Variants in RANBP2 observed in about 807,000 individuals in gnomAD.
The protein encoded by RANBP2 is E3 SUMO-protein ligase RanBP2.
Under a neutral mutation model 303.6 loss-of-function variants are expected in RANBP2, and 57 were observed. That is an observed-to-expected ratio of 0.19 (90% CI 0.15 to 0.23). The LOEUF is 0.23. Among genes scored for constraint, RANBP2 ranks in the 10% least tolerant of loss-of-function variants. The pLI is 1.00. For synonymous variants in RANBP2, 1,167 were observed against 1,301.5 expected (o/e 0.90, Z 2.23); for missense variants, 3,138 against 3,780.8 (o/e 0.83, Z 4.46).
At chr2:109,593,662 C>T in the RANBP2 span, among the ~76,000 whole-genome samples, 1 of 152,180 alleles carries the variant, frequency 6.6e-6, no homozygotes, top group South Asian at 2.1e-4. Flanking sequence ...CCTCGGCCTC[C>T]CAGAGTGCTA....
chr2:108,824,677 CAT>C, the RANBP2 span, among the ~76,000 whole-genome samples: 520 of 152,120 alleles, frequency 3.4e-3, 1 homozygote, highest in Non-Finnish European at 6.1e-3. Context: ...TAACCAGTAA[CAT>C]AGTCATTTAT....
intron 8 of RANBP2, 50 bp from the exon 9 acceptor site, chr2:108,748,870 T>C (rs2149208583): frequency 6.2e-7 from 1 of 1,611,880 alleles, no homozygotes; most frequent in Non-Finnish European, 8.5e-7. Flanking sequence ...CGTGAGCAAA[T>C]ACAATCTGTA....
the RANBP2 span, chr2:108,896,690 A>G: frequency 1.7e-6 from 1 of 584,188 alleles, no homozygotes; most frequent in Non-Finnish European, 3.0e-6. Context: ...CTGGTGAGGT[A>G]CAGGCGAGCA....
the RANBP2 span, among the ~76,000 whole-genome samples, chr2:109,246,257 G>A: frequency 5.3e-5 from 8 of 152,218 alleles, no homozygotes; most frequent in Admixed American, 3.3e-4. Context: ...AGTTCTAGAC[G>A]CTGGTCGTCC....
At chr2:108,968,111 C>G in the RANBP2 span, among the ~76,000 whole-genome samples, 10 of 152,160 alleles carry the variant, frequency 6.6e-5, no homozygotes, top group Non-Finnish European at 1.3e-4. Flanking sequence ...GATAATATCA[C>G]CTGATTTTCA....
At chr2:109,059,434 G>A in the RANBP2 span, among the ~76,000 whole-genome samples, 1 of 152,128 alleles carries the variant, frequency 6.6e-6, no homozygotes, top group South Asian at 2.1e-4. Context: ...AATTAGCCGG[G>A]TGTGGCGGTG....
chr2:109,603,993 C>G, the RANBP2 span, among the ~76,000 whole-genome samples: 1 of 151,432 alleles, frequency 6.6e-6, no homozygotes, highest in African/African-American at 2.4e-5. Context: ...AACCCCATCT[C>G]TACTAAAAAT....
the RANBP2 span, among the ~76,000 whole-genome samples, chr2:109,318,303 G>A: frequency 6.6e-6 from 1 of 152,010 alleles, no homozygotes; most frequent in African/African-American, 2.4e-5. Flanking sequence ...GCTCCTCCTA[G>A]CGTGACTGGC....
the RANBP2 span, among the ~76,000 whole-genome samples, chr2:109,234,171 G>T: frequency 6.6e-6 from 1 of 152,188 alleles, no homozygotes; most frequent in Non-Finnish European, 1.5e-5. Flanking sequence ...GAAGTTAATA[G>T]TATTTTAATC....
chr2:109,080,413 C>T, the RANBP2 span, among the ~76,000 whole-genome samples: 10 of 152,106 alleles, frequency 6.6e-5, no homozygotes, highest in African/African-American at 1.7e-4. Context: ...GGGAGAGTGT[C>T]GGAGGGATGG....
chr2:109,170,803 C>T, the RANBP2 span, among the ~76,000 whole-genome samples: 2 of 152,218 alleles, frequency 1.3e-5, no homozygotes, highest in African/African-American at 2.4e-5. Flanking sequence ...AGCTGACATC[C>T]AGGTGCACAG....
the RANBP2 span, among the ~76,000 whole-genome samples, chr2:109,683,066 C>T: frequency 1.3e-5 from 2 of 152,090 alleles, no homozygotes; most frequent in East Asian, 1.9e-4. Context: ...AGTGCAGTGG[C>T]GTGATGTCGG....
At chr2:108,732,659 C>CT (rs1163465739) in intron 4 of RANBP2, among the ~76,000 whole-genome samples, 2 of 152,186 alleles carry the variant, frequency 1.3e-5, no homozygotes, top group Non-Finnish European at 2.9e-5. Context: ...CAGAACTACT[C>CT]TATTACCACA....
chr2:109,022,911 C>A, the RANBP2 span, among the ~76,000 whole-genome samples: 2 of 151,936 alleles, frequency 1.3e-5, no homozygotes, highest in African/African-American at 4.8e-5. Flanking sequence ...ATTACCCGGG[C>A]GTGGTGGTGA....
At chr2:109,078,100 A>ATATATATAGCGTG in the RANBP2 span, among the ~76,000 whole-genome samples, 1,349 of 69,884 alleles carry the variant, frequency 0.019, 108 homozygotes, top group African/African-American at 0.036. Context: ...ATATATATAT[A>ATATATATAGCGTG]TATATATATA....
the RANBP2 span, among the ~76,000 whole-genome samples, chr2:109,491,393 G>A: frequency 2.0e-5 from 3 of 152,288 alleles, no homozygotes; most frequent in East Asian, 3.9e-4. Context: ...TACTCAAGAC[G>A]GCTTCAAGTC....
the RANBP2 span, among the ~76,000 whole-genome samples, chr2:109,673,161 T>C: frequency 3.9e-5 from 6 of 152,284 alleles, no homozygotes; most frequent in South Asian, 1.2e-3. Context: ...GTCAGCAGAA[T>C]TACGGGATGG....
chr2:109,253,819 T>C, the RANBP2 span, among the ~76,000 whole-genome samples: 1 of 152,172 alleles, frequency 6.6e-6, no homozygotes, highest in Non-Finnish European at 1.5e-5. Flanking sequence ...ATTTATAATT[T>C]GTAATTTAAG....
chr2:109,128,123 C>G, the RANBP2 span: 1 of 152,194 alleles, frequency 6.6e-6, no homozygotes, highest in Non-Finnish European at 1.5e-5. Flanking sequence ...TGGAACCCAG[C>G]CCTTCCCGAC....
Sources: allele counts gnomAD v4.1 joint callset (sites outside exome capture counted in the v4.1 genomes callset), GRCh38; gene constraint gnomAD v4.1.1; transcripts MANE v1.5; gene names NCBI Gene and HGNC (gene_info 2026-07-23, HGNC 2026-07-21).